The following LRRC7 variants were observed in gnomAD, a reference collection of about 807,000 sequenced individuals.
LRRC7 encodes leucine rich repeat containing 7.
In LRRC7, 23 loss-of-function variants were observed where a neutral mutation model predicts 175.7. The ratio of observed to expected loss-of-function variants is 0.13; its 90% CI spans 0.09 to 0.19. The LOEUF (loss-of-function observed/expected upper bound fraction) is 0.19, where lower values mean the gene tolerates loss of function less well. Among genes scored for constraint, LRRC7 ranks in the 10% least tolerant of loss-of-function variants. LRRC7 has a pLI of 1.00. For synonymous variants in LRRC7, 685 were observed against 680.9 expected (o/e 1.01, Z -0.09); for missense variants, 1,354 against 1,904.7 (o/e 0.71, Z 5.38).
intron 8 of LRRC7, among the ~76,000 whole-genome samples, chr1:69,963,200 G>C (rs1570821299): frequency 1.3e-5 from 2 of 151,666 alleles, no homozygotes; most frequent in East Asian, 1.9e-4. Context: ...AGCTACTTGG[G>C]AGGCTGAGTC....
In LRRC7 at chr1:69,909,616, T is replaced by G. The variant is rs1404203802; in HGVS notation, c.648-21891T>G. Among the ~76,000 whole-genome samples the G allele has an allele frequency of 4.6e-5, 7 of 152,318 alleles. No homozygotes were observed. In the East Asian group the frequency reaches 1.4e-3, roughly 29 times the overall value. ...TATTGGCCCCCACTCTCTTCTGGCT[T>G]GTAGGGTTTCTGCTGAGAGATCCGC... On this transcript the variant is annotated intron_variant, in intron 7 of 26. Coordinates refer to ENST00000651989, the MANE Select transcript of LRRC7 (RefSeq NM_001370785.2).
chr1:70,018,875 T>A, intron 15 of LRRC7, 57 bp downstream of exon 15: 1 of 1,336,532 alleles, frequency 7.5e-7, no homozygotes, highest in Non-Finnish European at 1.1e-6. Context: ...TAGAAATAAC[T>A]AATTTTATTC....
At chr1:70,103,147 T>A (rs973901098) in intron 25 of LRRC7, among the ~76,000 whole-genome samples, 1 of 151,736 alleles carries the variant, frequency 6.6e-6, no homozygotes, top group East Asian at 1.9e-4. Context: ...GAGGATCACC[T>A]GAACCCAGGA....
intron 1 of LRRC7, among the ~76,000 whole-genome samples, chr1:69,655,872 C>T (rs1656536397): frequency 6.6e-6 from 1 of 152,024 alleles, no homozygotes; most frequent in Non-Finnish European, 1.5e-5. Flanking sequence ...TTCAGTGTGG[C>T]CCAATGTTGT....
At chr1:69,682,599 C>T (rs12729671) in intron 2 of LRRC7, among the ~76,000 whole-genome samples, 33,976 of 152,018 alleles carry the variant, frequency 0.22, 3,897 homozygotes, top group South Asian at 0.3. Flanking sequence ...TATCATGAGA[C>T]AGGCATTTTG....
chr1:70,053,769 AT>A lies in LRRC7; in HGVS notation c.4230+627del, dbSNP rs1362861968. ...TGCCACATATATGAGAGAAGGGAGAATTTGTATTCTAAAATATATTTTTTAA... is the reference window on the plus strand; with the variant it reads ...TGCCACATATATGAGAGAAGGGAGAATTGTATTCTAAAATATATTTTTTAA... On this transcript the variant is annotated intron_variant, in intron 23 of 26. Coordinates refer to ENST00000651989, the MANE Select transcript of LRRC7 (RefSeq NM_001370785.2). 3.3e-5 allele frequency among the ~76,000 whole-genome samples: 5 copies of A among 152,010 alleles called. No homozygotes were observed. The East Asian group carries it at 9.6e-4, about 29-fold the overall frequency.
chr1:69,948,852 G>A (rs1305146584), intron 8 of LRRC7, among the ~76,000 whole-genome samples: 1 of 152,148 alleles, frequency 6.6e-6, no homozygotes, highest in Non-Finnish European at 1.5e-5. Flanking sequence ...TTTCAGTGCT[G>A]TTTCGATTGT....
At chr1:69,815,533 T>C (rs1266349005) in intron 4 of LRRC7, among the ~76,000 whole-genome samples, 1 of 152,296 alleles carries the variant, frequency 6.6e-6, no homozygotes, top group African/African-American at 2.4e-5. Context: ...GATCCCAATG[T>C]GCAGCACAGC....
intron 1 of LRRC7, among the ~76,000 whole-genome samples, chr1:69,595,660 G>A (rs2100975107): frequency 6.6e-6 from 1 of 152,256 alleles, no homozygotes; most frequent in East Asian, 1.9e-4. Flanking sequence ...ACCACACTTA[G>A]TAAAGTTTAA....
chr1:69,849,191 T>G (rs1375210354), intron 7 of LRRC7, among the ~76,000 whole-genome samples: 1 of 152,032 alleles, frequency 6.6e-6, no homozygotes, highest in Non-Finnish European at 1.5e-5. Context: ...GCTATGAATC[T>G]TATCAAGCAT....
In LRRC7 at chr1:70,039,653, A is replaced by T. The variant is rs1252753638; in HGVS notation, c.3829A>T (p.Asn1277Tyr). ...EKIPSDYNLG[N>Y]YGDKPSDNSD... ...AATACCATCTGACTATAACTTGGGTAACTATGGTGACAAGCCATCAGATAA... is the reference window on the plus strand; with the variant it reads ...AATACCATCTGACTATAACTTGGGTTACTATGGTGACAAGCCATCAGATAA... Residue 1277 changes from asparagine to tyrosine, a missense_variant, in exon 21 of 27, where the codon AAC (asparagine) becomes TAC (tyrosine). Asn to Tyr is a moderately radical substitution (Grantham distance 143). This residue lies in a region of LRRC7 where 1,032 missense variants were observed against 1,227.2 expected (regional missense o/e 0.84). Transcript: ENST00000651989. The T allele has an allele frequency of 6.2e-7, 1 of 1,614,160 alleles. No individual in the cohort carries two copies. The highest frequency in any genetic ancestry group is 1.7e-5 in the Admixed American group (1 of 60,030).
rs553304463 is a variant in LRRC7, at chr1:69,888,011, C to T, written c.648-43496C>T. On this transcript the variant is annotated intron_variant, in intron 7 of 26. Transcript: ENST00000651989. The stretch of plus-strand genomic sequence containing the variant: ...CAGCTGCGTGTTGGGAGAACCACTG[C>T]TCCCTTCAAAGCTGTCAGACAGGGA... Among the ~76,000 whole-genome samples the T allele has an allele frequency of 3.1e-3, 339 of 108,286 alleles. 35 individuals are homozygous for T. Among genetic ancestry groups the T allele is most frequent in the Non-Finnish European group, 4.9e-3 (244 of 49,708 alleles). The allele number at this position is 108,286 out of a possible 152,430, so 71.0% of individuals were successfully genotyped here. A position where few individuals can be genotyped will look rare whatever the true frequency, so the allele number is the denominator to read the frequency against.
At chr1:69,850,121 T>A (rs1450173340) in intron 7 of LRRC7, among the ~76,000 whole-genome samples, 1 of 151,982 alleles carries the variant, frequency 6.6e-6, no homozygotes, top group East Asian at 1.9e-4. Context: ...AAGACCTTTA[T>A]GAACAGGTCC....
At position 69,852,784 on chromosome 1, in the gene LRRC7, T is replaced by A. The variant is rs115746753; in HGVS notation, c.647+14501T>A. On this transcript the variant is annotated intron_variant, in intron 7 of 26. Transcript: ENST00000651989. Reference sequence around the variant, plus strand: ...GATGTTTCCTTATAGGAAAATTTGTTACAGTACATTTTAGATGGAATGAAT... The same window carrying A: ...GATGTTTCCTTATAGGAAAATTTGTAACAGTACATTTTAGATGGAATGAAT... Among the ~76,000 whole-genome samples the A allele has an allele frequency of 3.7e-3, 561 of 152,286 alleles. 3 individuals are homozygous for A. Among genetic ancestry groups the A allele is most frequent in the African/African-American group, 0.013 (531 of 41,570 alleles).
At chr1:70,088,280 G>C (rs887919293) in intron 24 of LRRC7, among the ~76,000 whole-genome samples, 7 of 152,138 alleles carry the variant, frequency 4.6e-5, no homozygotes, top group Non-Finnish European at 1.0e-4. Context: ...AAAAGAGTTG[G>C]GCACAGTGGC....
At chr1:69,819,176 G>A (rs542051648) in intron 4 of LRRC7, among the ~76,000 whole-genome samples, 1 of 151,852 alleles carries the variant, frequency 6.6e-6, no homozygotes, top group Admixed American at 6.6e-5. Flanking sequence ...ATCTTTCTTT[G>A]TTCTTAATTT....
Position 70,023,286 on chromosome 1 carries a change from T to C in LRRC7, c.1706T>C (p.Ile569Thr). 6.2e-7 allele frequency: 1 copy of C among 1,613,508 alleles called. No homozygotes were observed. Among genetic ancestry groups the C allele is most frequent in the Non-Finnish European group, 8.5e-7 (1 of 1,179,652 alleles). Reference protein sequence around the residue: ...QNDPQLAWGCISGLQQERSMC... With the variant: ...QNDPQLAWGCTSGLQQERSMC... ...GACCCACAGCTGGCATGGGGTTGTA[T>C]AAGTGGCCTCCAGCAGGAAAGGAGC... Residue 569 changes from isoleucine to threonine, a missense_variant, in exon 17 of 27, where the codon ATA (isoleucine) becomes ACA (threonine). By Grantham distance (89) the Ile-to-Thr change is moderately conservative (BLOSUM62 -1). This residue lies in a region of LRRC7 where 1,032 missense variants were observed against 1,227.2 expected (regional missense o/e 0.84). Coordinates refer to ENST00000651989, the MANE Select transcript of LRRC7 (RefSeq NM_001370785.2).
intron 1 of LRRC7, among the ~76,000 whole-genome samples, chr1:69,613,722 G>A (rs568471715): frequency 6.6e-6 from 1 of 152,096 alleles, no homozygotes; most frequent in Admixed American, 6.6e-5. Flanking sequence ...TATTTCAAAT[G>A]TTGGGCAAAG....
At chr1:69,694,691 T>C (rs1214864856) in intron 2 of LRRC7, among the ~76,000 whole-genome samples, 1 of 152,018 alleles carries the variant, frequency 6.6e-6, no homozygotes, top group Non-Finnish European at 1.5e-5. Flanking sequence ...GAGTTCTTGC[T>C]CTGAGTTCAC....
Sources: allele counts gnomAD v4.1 joint callset (sites outside exome capture counted in the v4.1 genomes callset), GRCh38; gene constraint gnomAD v4.1.1; regional missense constraint gnomAD v4.1.1; transcripts MANE v1.5; gene names NCBI Gene and HGNC (gene_info 2026-07-23, HGNC 2026-07-21).